The following ADD2 variants were observed in gnomAD, a reference collection of about 807,000 sequenced individuals.
ADD2 encodes the protein beta-adducin.
Under a neutral mutation model 83.0 loss-of-function variants are expected in ADD2, and 23 were observed. That is an observed-to-expected ratio of 0.28 (90% CI 0.20 to 0.39). ADD2 has a LOEUF of 0.39. Ranked by LOEUF, ADD2 falls within the 10% of genes least tolerant of loss-of-function variation. ADD2 has a pLI of 1.00. For missense variants in ADD2, 758 were observed against 944.9 expected (o/e 0.80, Z 2.59); for synonymous variants, 375 against 375.4 (o/e 1.00, Z 0.01).
At chr2:70,688,925 CG>C (rs1558533924) in intron 8 of ADD2, among the ~76,000 whole-genome samples, 1 of 151,960 alleles carries the variant, frequency 6.6e-6, no homozygotes, top group East Asian at 1.9e-4. Flanking sequence ...GGTGAAACCC[CG>C]TCTCTACTAA....
At chr2:70,737,631 G>A (rs1014480164) in intron 1 of ADD2, among the ~76,000 whole-genome samples, 1 of 151,268 alleles carries the variant, frequency 6.6e-6, no homozygotes, top group African/African-American at 2.4e-5. Context: ...TGTAAATGAC[G>A]AGTTAATGGG....
chr2:70,741,230 G>T (rs1174861681), intron 1 of ADD2: 1 of 152,180 alleles, frequency 6.6e-6, no homozygotes, highest in Non-Finnish European at 1.5e-5. Flanking sequence ...CTTATAGAAA[G>T]AAACAGCCAG....
chr2:70,665,761 C>T (rs1487068153), intron 15 of ADD2, among the ~76,000 whole-genome samples: 1 of 152,096 alleles, frequency 6.6e-6, no homozygotes, highest in Non-Finnish European at 1.5e-5. Flanking sequence ...TTCCTTTCTG[C>T]CTCTGCTATC....
At chr2:70,670,245 GT>G (rs1199148240) in intron 15 of ADD2, among the ~76,000 whole-genome samples, 1 of 152,220 alleles carries the variant, frequency 6.6e-6, no homozygotes. Context: ...ACTAACTTAT[GT>G]AAAGCATATT....
At chr2:70,701,341 A>T (rs782786974) in intron 4 of ADD2, among the ~76,000 whole-genome samples, 10 of 152,164 alleles carry the variant, frequency 6.6e-5, no homozygotes, top group Non-Finnish European at 1.5e-4. Flanking sequence ...GACATTCAAC[A>T]TCCATTCCTG....
chr2:70,702,963 C>CA (rs1553373699), intron 4 of ADD2, among the ~76,000 whole-genome samples: 1 of 151,820 alleles, frequency 6.6e-6, no homozygotes, highest in Non-Finnish European at 1.5e-5. Context: ...CCTGTCTCCA[C>CA]AAAAAATACA....
At chr2:70,753,041 A>G (rs1674589194) in intron 1 of ADD2, among the ~76,000 whole-genome samples, 1 of 152,218 alleles carries the variant, frequency 6.6e-6, no homozygotes, top group Admixed American at 6.5e-5. Context: ...TTCACCAGAA[A>G]GAGTGTATAA....
chr2:70,705,486 T>C (rs1365893563), intron 3 of ADD2, among the ~76,000 whole-genome samples: 1 of 152,190 alleles, frequency 6.6e-6, no homozygotes, highest in Non-Finnish European at 1.5e-5. Context: ...CTTAGGATCA[T>C]GGGCTGATTC....
chr2:70,688,516 A>C (rs567413022), intron 8 of ADD2, among the ~76,000 whole-genome samples: 37 of 152,350 alleles, frequency 2.4e-4, no homozygotes, highest in African/African-American at 8.7e-4. Flanking sequence ...TGCTGTGTAT[A>C]TTAAAGTGAA....
chr2:70,664,769 G>GTC (rs148808624), intron 15 of ADD2, among the ~76,000 whole-genome samples: 13,205 of 149,810 alleles, frequency 0.088, 595 homozygotes, highest in Middle Eastern at 0.12. Context: ...GGGTGTGCAA[G>GTC]TGTGAGTGGG....
rs566161968 is a variant in ADD2 at position 70,678,932 on chromosome 2, G to A, written c.1155C>T (p.His385=). ...GTTTGGTTTTCTCTTGAACAAAGGG[G>A]TGGCGATACGTGTAACCTGTTCTGT... ...LGYRTGYTYR[H]PFVQEKTKHK... The change falls in exon 11 of 16, where the codon CAC becomes CAT. Residue 385 remains histidine, a synonymous_variant. Coordinates refer to ENST00000264436, the MANE Select transcript of ADD2 (RefSeq NM_001617.4). 1.0e-4 allele frequency: 163 copies of A among 1,613,596 alleles called. No homozygotes were observed. The highest frequency in any genetic ancestry group is 1.3e-4 in the Non-Finnish European group (157 of 1,179,830).
chr2:70,673,060 C>T lies in ADD2; in HGVS notation c.1742-54G>A. 5 of 1,585,646 alleles carry T rather than the reference C, an allele frequency of 3.2e-6. No homozygotes were observed. In the South Asian group the frequency reaches 4.6e-5, roughly 15 times the overall value. On this transcript the variant is annotated intron_variant, in intron 14 of 15. Transcript: ENST00000264436. ...AGAGGTCAAATAGAGAAGAGATGGGCAGGGAAATAAAGCCTTTTAAAAATT... is the reference window on the plus strand; with the variant it reads ...AGAGGTCAAATAGAGAAGAGATGGGTAGGGAAATAAAGCCTTTTAAAAATT...
chr2:70,681,296 A>G (rs900349304), intron 10 of ADD2, among the ~76,000 whole-genome samples: 1 of 152,078 alleles, frequency 6.6e-6, no homozygotes, highest in Non-Finnish European at 1.5e-5. Flanking sequence ...CCACACTTCT[A>G]TGATTGTATC....
chr2:70,678,296 G>C (rs1670280520), intron 11 of ADD2, among the ~76,000 whole-genome samples: 1 of 152,206 alleles, frequency 6.6e-6, no homozygotes, highest in Non-Finnish European at 1.5e-5. Flanking sequence ...TGGGGACAGG[G>C]AGAGAAAATA....
chr2:70,755,881 A>C (rs1427903557), intron 1 of ADD2, among the ~76,000 whole-genome samples: 2 of 151,996 alleles, frequency 1.3e-5, no homozygotes, highest in African/African-American at 4.8e-5. Flanking sequence ...CAACATGGTG[A>C]AACCCTGTCT....
intron 1 of ADD2, among the ~76,000 whole-genome samples, chr2:70,755,370 C>T (rs1300985856): frequency 6.6e-6 from 1 of 152,206 alleles, no homozygotes; most frequent in Non-Finnish European, 1.5e-5. Context: ...TGCTGCCTCC[C>T]AAAAGAGCCT....
At chr2:70,744,810 T>C (rs1328289169) in intron 1 of ADD2, among the ~76,000 whole-genome samples, 1 of 152,022 alleles carries the variant, frequency 6.6e-6, no homozygotes, top group Non-Finnish European at 1.5e-5. Context: ...GCAGCAGATG[T>C]TCAGGTGGGG....
At chr2:70,762,918 C>T (rs952970829) in intron 1 of ADD2, among the ~76,000 whole-genome samples, 1 of 151,740 alleles carries the variant, frequency 6.6e-6, no homozygotes, top group African/African-American at 2.4e-5. Flanking sequence ...GTTGGCCAGG[C>T]TGGTCTGGAA....
chr2:70,671,409 T>C (rs1268575697), intron 15 of ADD2, among the ~76,000 whole-genome samples: 1 of 152,140 alleles, frequency 6.6e-6, no homozygotes, highest in Admixed American at 6.5e-5. Context: ...GCATGTGGAA[T>C]TGGCCATGAA....
Sources: allele counts gnomAD v4.1 joint callset (sites outside exome capture counted in the v4.1 genomes callset), GRCh38; gene constraint gnomAD v4.1.1; transcripts MANE v1.5; gene names NCBI Gene and HGNC (gene_info 2026-07-23, HGNC 2026-07-21).